DPP6: variants seen among roughly 807,000 people sequenced by gnomAD.
DPP6 encodes the protein dipeptidyl peptidase like 6.
In DPP6, 69 loss-of-function variants were observed where a neutral mutation model predicts 122.6. The ratio of observed to expected loss-of-function variants is 0.56; its 90% CI spans 0.46 to 0.69. DPP6 has a LOEUF of 0.69. Ranked by LOEUF, DPP6 falls within the 30% of genes least tolerant of loss-of-function variation. DPP6 has a pLI of 0.00. For synonymous variants in DPP6, 418 were observed against 433.1 expected (o/e 0.97, Z 0.43); for missense variants, 928 against 1,116.9 (o/e 0.83, Z 2.41).
chr7:154,179,206 A>G (rs1210468215), intron 1 of DPP6, among the ~76,000 whole-genome samples: 5 of 152,192 alleles, frequency 3.3e-5, no homozygotes, highest in Non-Finnish European at 7.3e-5. Flanking sequence ...CTGCCAGCCT[A>G]TTAGAACTCA....
At chr7:154,018,585 A>G (rs1286386849) in intron 1 of DPP6, among the ~76,000 whole-genome samples, 5 of 152,262 alleles carry the variant, frequency 3.3e-5, no homozygotes, top group Non-Finnish European at 7.3e-5. Flanking sequence ...GGGCTTTTCA[A>G]TAGAGTGGTT....
rs562772281 is a variant in DPP6, at chr7:154,403,201, C to G, written c.244-43013C>G. 3.3e-5 allele frequency among the ~76,000 whole-genome samples: 5 copies of G among 152,226 alleles called. No individual in the cohort carries two copies. Among genetic ancestry groups the G allele is most frequent in the Admixed American group, 2.0e-4 (3 of 15,292 alleles). On this transcript the variant is annotated intron_variant, in intron 1 of 25. Coordinates refer to ENST00000377770, the MANE Select transcript of DPP6 (RefSeq NM_130797.4). The surrounding 1 kb of genome is among the most constrained non-coding windows in gnomAD (Gnocchi z 4.1). ...TTCCCTGGACTCAGCAGGTCGCCACCGTGAGGCCCCAGCATTTGGGTCCAT... is the reference window on the plus strand; with the variant it reads ...TTCCCTGGACTCAGCAGGTCGCCACGGTGAGGCCCCAGCATTTGGGTCCAT...
chr7:154,349,149 TTTG>T lies in DPP6; in HGVS notation c.244-97050_244-97048del, dbSNP rs565147500. Among the ~76,000 whole-genome samples, 72 of 152,208 alleles carry T rather than the reference TTTG, an allele frequency of 4.7e-4. 1 individual carries two copies. The South Asian group carries it at 1.0e-2, about 21-fold the overall frequency. The stretch of plus-strand genomic sequence containing the variant: ...GACATGTGGATTTTAATAGTTAATT[TTTG>T]TTGTTGTTGTTGTTTGTTGTTGTTG... On this transcript the variant is annotated intron_variant, in intron 1 of 25. Transcript: ENST00000377770.
At chr7:153,966,608 TTTAA>T (rs1327844604) in intron 1 of DPP6, among the ~76,000 whole-genome samples, 2 of 82,742 alleles carry the variant, frequency 2.4e-5, no homozygotes, top group Admixed American at 1.2e-4. Context: ...GCCCTTTTTT[TTTAA>T]AAAATTATAC....
chr7:154,717,431 T>C (rs1841551619), intron 7 of DPP6, among the ~76,000 whole-genome samples: 1 of 151,008 alleles, frequency 6.6e-6, no homozygotes, highest in Non-Finnish European at 1.5e-5. Flanking sequence ...CCCAGCACCG[T>C]TCTACTCTCT....
chr7:154,372,248 A>C (rs1221000665), intron 1 of DPP6, among the ~76,000 whole-genome samples: 4 of 152,204 alleles, frequency 2.6e-5, no homozygotes, highest in Non-Finnish European at 5.9e-5. Flanking sequence ...CTATGCATGA[A>C]GCGTAACACA....
intron 1 of DPP6, among the ~76,000 whole-genome samples, chr7:154,001,325 G>T (rs1797677108): frequency 6.8e-6 from 1 of 147,762 alleles, no homozygotes; most frequent in Admixed American, 6.7e-5. Context: ...CTAATCAATA[G>T]CCCATCAATT....
intron 3 of DPP6, among the ~76,000 whole-genome samples, chr7:154,513,606 T>A (rs1826253885): frequency 6.6e-6 from 1 of 152,128 alleles, no homozygotes; most frequent in South Asian, 2.1e-4. Context: ...TTTCATCAGC[T>A]CTGATCATCC....
At chr7:154,779,885 A>G (rs1796918745) in intron 10 of DPP6, among the ~76,000 whole-genome samples, 1 of 152,106 alleles carries the variant, frequency 6.6e-6, no homozygotes, top group South Asian at 2.1e-4. Flanking sequence ...GTCTGGGAAG[A>G]TATATTATTT....
chr7:154,674,696 C>T (rs76653538), intron 7 of DPP6, among the ~76,000 whole-genome samples: 18,495 of 152,168 alleles, frequency 0.12, 1,219 homozygotes, highest in African/African-American at 0.16. Flanking sequence ...AAGTCTTCAA[C>T]GCAGAGAGCG....
chr7:154,097,638 A>G (rs1345103413), intron 1 of DPP6, among the ~76,000 whole-genome samples: 1 of 152,256 alleles, frequency 6.6e-6, no homozygotes, highest in African/African-American at 2.4e-5. Flanking sequence ...GCTTAAAACT[A>G]TGCACATTTG....
intron 1 of DPP6, among the ~76,000 whole-genome samples, chr7:154,248,591 C>T (rs1030984867): frequency 1.1e-4 from 17 of 152,146 alleles, no homozygotes; most frequent in Non-Finnish European, 1.2e-4. Flanking sequence ...TTAGGCTGGG[C>T]GCCGTGGCTC....
chr7:153,874,289 C>T, the DPP6 span, among the ~76,000 whole-genome samples: 1 of 149,262 alleles, frequency 6.7e-6, no homozygotes, highest in South Asian at 2.2e-4. Flanking sequence ...CAGACACACA[C>T]ACCAGAATAA....
At chr7:154,226,615 A>G (rs1585678302) in intron 1 of DPP6, among the ~76,000 whole-genome samples, 1 of 152,332 alleles carries the variant, frequency 6.6e-6, no homozygotes, top group East Asian at 1.9e-4. Flanking sequence ...AATATGTGAC[A>G]GTGGACATGT....
chr7:154,886,899 T>G (rs1806195329), intron 22 of DPP6, among the ~76,000 whole-genome samples: 1 of 152,268 alleles, frequency 6.6e-6, no homozygotes, highest in African/African-American at 2.4e-5. Context: ...TTTTAACTCG[T>G]ACAGGAACTC....
At chr7:153,887,518 G>T (rs1287801735) in exon 1 of DPP6, 1 of 682,248 alleles carries the variant, frequency 1.5e-6, no homozygotes, top group Non-Finnish European at 2.6e-6. Flanking sequence ...GACACGGGCA[G>T]GGGTGCGCGG....
rs1402412456 is a variant in DPP6 at position 154,877,348 on chromosome 7, TG to T, written c.2078+1249del. On this transcript the variant is annotated intron_variant, in intron 20 of 25. Coordinates refer to ENST00000377770, the MANE Select transcript of DPP6 (RefSeq NM_130797.4). The surrounding 1 kb of genome is among the most constrained non-coding windows in gnomAD (Gnocchi z 5.2). ...AGGACTCAGATACTCAGGGAAGGAGTGTCTGCCAGGATGCCTTTGCCTGGAA... is the reference window on the plus strand; with the variant it reads ...AGGACTCAGATACTCAGGGAAGGAGTTCTGCCAGGATGCCTTTGCCTGGAA... Among the ~76,000 whole-genome samples, 2 of 151,402 alleles carry T rather than the reference TG, an allele frequency of 1.3e-5. No individual in the cohort carries two copies. The highest frequency in any genetic ancestry group is 2.1e-4 in the South Asian group (1 of 4,800).
intron 5 of DPP6, among the ~76,000 whole-genome samples, chr7:154,590,454 G>C (rs1439122723): frequency 6.7e-6 from 1 of 150,162 alleles, no homozygotes; most frequent in Non-Finnish European, 1.5e-5. Context: ...CAGCGGGTAG[G>C]TCCGTGTTAT....
At chr7:154,638,432 G>C (rs1353351996) in intron 6 of DPP6, among the ~76,000 whole-genome samples, 1 of 152,172 alleles carries the variant, frequency 6.6e-6, no homozygotes, top group Non-Finnish European at 1.5e-5. Flanking sequence ...GGTTTCAGCG[G>C]CGTGTTGTTC....
Sources: gnomAD v4.1 joint callset for allele counts (sites outside exome capture counted in the v4.1 genomes callset) on GRCh38, gnomAD v4.1.1 for gene constraint, Gnocchi (gnomAD v3.1) non-coding constraint, MANE v1.5 for transcripts, NCBI Gene and HGNC (gene_info 2026-07-23, HGNC 2026-07-21) for gene names.